TICAM2: variants seen among roughly 807,000 people sequenced by gnomAD.
The protein encoded by TICAM2 is TIR domain-containing adapter molecule 2.
TICAM2 carries 8 observed loss-of-function variants against 7.3 expected under a neutral mutation model. The ratio of observed to expected loss-of-function variants is 1.10; its 90% CI spans 0.65 to 1.99. The LOEUF is 1.99. Among genes scored for constraint, TICAM2 ranks in the 30% most tolerant of loss-of-function variants. TICAM2 has a pLI of 0.00. For synonymous variants in TICAM2, 113 were observed against 99.6 expected, an observed-to-expected ratio of 1.13 and a Z score of -0.80; for missense variants, 304 against 278.8, an observed-to-expected ratio of 1.09 and a Z score of -0.65.
At chr5:115,593,406 A>G (rs1315344391) in intron 1 of TICAM2, among the ~76,000 whole-genome samples, 1 of 23,728 alleles carries the variant, frequency 4.2e-5, no homozygotes, top group African/African-American at 7.4e-4. Flanking sequence ...ATAAAATTAC[A>G]AAAAAAATGT....
chr5:115,599,000 G>A (rs898677153), intron 1 of TICAM2, among the ~76,000 whole-genome samples: 2 of 151,490 alleles, frequency 1.3e-5, no homozygotes, highest in African/African-American at 4.9e-5. Flanking sequence ...AGGTTGAGGT[G>A]GGAAAATTGC....
At chr5:115,591,288 C>T (rs1405810398) in intron 1 of TICAM2, among the ~76,000 whole-genome samples, 1 of 152,118 alleles carries the variant, frequency 6.6e-6, no homozygotes, top group Non-Finnish European at 1.5e-5. Context: ...GAAGGCTACA[C>T]CTAGGTGTAC....
rs1320282321 is a variant in TICAM2, at chr5:115,581,075, C to T, written c.182G>A (p.Gly61Glu). The T allele has an allele frequency of 9.3e-6, 15 of 1,614,166 alleles. No homozygotes were observed. The highest frequency in any genetic ancestry group is 1.3e-5 in the Non-Finnish European group (15 of 1,180,034). ...AAACATCTCTTCCACGCTCTGAGCT[C>T]CCTCCTGCTTTCCTGTTGGCCCCTC... is the stretch of plus-strand genomic sequence containing the variant. ...TTEGPTGKQE[G>E]AQSVEEMFEE... The change falls in exon 2 of 2, where the codon GGA becomes GAA. Residue 61 changes from glycine to glutamate, a missense_variant. By Grantham distance (98) the Gly-to-Glu change is moderately conservative (BLOSUM62 -2). Transcript: ENST00000427199.
intron 1 of TICAM2, among the ~76,000 whole-genome samples, chr5:115,589,370 G>T (rs766106027): frequency 1.3e-5 from 2 of 152,124 alleles, no homozygotes; most frequent in Non-Finnish European, 2.9e-5. Context: ...CTTAGACACT[G>T]GAAATATTAA....
intron 1 of TICAM2, among the ~76,000 whole-genome samples, chr5:115,587,976 C>A (rs983560997): frequency 6.6e-6 from 1 of 152,114 alleles, no homozygotes; most frequent in Non-Finnish European, 1.5e-5. Context: ...GCATGAAAAT[C>A]AGACACAGAA....
intron 1 of TICAM2, among the ~76,000 whole-genome samples, chr5:115,591,317 C>A (rs1005491329): frequency 2.4e-4 from 36 of 152,182 alleles, no homozygotes; most frequent in Admixed American, 1.8e-3. Context: ...TAAAAACAGA[C>A]TGATCCTCCC....
At chr5:115,585,247 C>T (rs533661386) in intron 1 of TICAM2, among the ~76,000 whole-genome samples, 43 of 152,282 alleles carry the variant, frequency 2.8e-4, no homozygotes, top group African/African-American at 1.0e-3. Context: ...GCTATTATTG[C>T]TATTAAATAC....
chr5:115,586,049 G>T (rs1029266987), intron 1 of TICAM2, among the ~76,000 whole-genome samples: 7 of 152,170 alleles, frequency 4.6e-5, no homozygotes, highest in Non-Finnish European at 8.8e-5. Context: ...GAGTGTAGGA[G>T]AAAGGTTCCA....
intron 1 of TICAM2, among the ~76,000 whole-genome samples, chr5:115,592,217 C>G (rs904873484): frequency 6.6e-6 from 1 of 151,946 alleles, no homozygotes; most frequent in South Asian, 2.1e-4. Flanking sequence ...TCTTGCAGAC[C>G]GTAAAATGTA....
In TICAM2 at chr5:115,580,688, T is replaced by C; in HGVS notation, c.569A>G (p.Gln190Arg). 1 of 1,593,272 alleles carries C rather than the reference T, an allele frequency of 6.3e-7. No individual in the cohort carries two copies. Among genetic ancestry groups the C allele is most frequent in the Non-Finnish European group, 8.5e-7 (1 of 1,172,574 alleles). Residue 190 changes from glutamine to arginine, a missense_variant, in exon 2 of 2, where the codon CAA becomes CGA. Coordinates refer to ENST00000427199, the MANE Select transcript of TICAM2 (RefSeq NM_021649.7). ...TTCTTCCTCTAAGGCATTGATGGTT[T>C]GGAGGGCAAAGGGAGTCCTTTCTCG... Reference protein sequence around the residue: ...LPRERTPFALQTINALEEESR... With the variant: ...LPRERTPFALRTINALEEESR...
rs552547616 is a variant in TICAM2, at chr5:115,593,669, G to T, written c.-60+8428C>A. On this transcript the variant is annotated intron_variant, in intron 1 of 1. Coordinates refer to ENST00000427199, the MANE Select transcript of TICAM2 (RefSeq NM_021649.7). ...AGACTTTTTTTGGTTGGGTTTTACCGGTTCAATTCCAGAATTTCTATGGAA... is the reference window on the plus strand; with the variant it reads ...AGACTTTTTTTGGTTGGGTTTTACCTGTTCAATTCCAGAATTTCTATGGAA... 3.3e-5 allele frequency among the ~76,000 whole-genome samples: 5 copies of T among 152,156 alleles called. No homozygotes were observed. In the East Asian group the frequency reaches 7.7e-4, roughly 23 times the overall value.
chr5:115,593,655 G>T (rs1283493176), intron 1 of TICAM2, among the ~76,000 whole-genome samples: 1 of 152,070 alleles, frequency 6.6e-6, no homozygotes, highest in East Asian at 1.9e-4. Context: ...GACTTTTTTT[G>T]GTTGGGTTTT....
intron 1 of TICAM2, 153 bp downstream of exon 1, chr5:115,601,944 A>G (rs1294653681): frequency 6.6e-6 from 1 of 152,150 alleles, no homozygotes; most frequent in African/African-American, 2.4e-5. Flanking sequence ...CCCGCTGGGG[A>G]CAACAGCGCC....
intron 1 of TICAM2, among the ~76,000 whole-genome samples, chr5:115,583,917 C>A (rs1755016372): frequency 6.6e-6 from 1 of 152,188 alleles, no homozygotes; most frequent in African/African-American, 2.4e-5. Context: ...TAGGTTTCAC[C>A]TCCTTGCTTC....
In TICAM2 at chr5:115,579,232, C is replaced by T. The variant is rs1231076549; in HGVS notation, c.*1317G>A. ...AGCCTTCTGCAACTATTACATATCA[C>T]TTTATCGAATCCAAACTTTTTTGCT... On this transcript the variant is annotated 3_prime_UTR_variant, in exon 2 of 2. Transcript: ENST00000427199. The T allele has an allele frequency of 6.6e-6, 1 of 152,616 alleles. No homozygotes were observed. Among genetic ancestry groups the T allele is most frequent in the Non-Finnish European group, 1.5e-5 (1 of 68,036 alleles). 9.5% of individuals were successfully genotyped at this position (152,616 alleles called of 1,614,324 possible). A position where few individuals can be genotyped will look rare whatever the true frequency, so the allele number is the denominator to read the frequency against.
chr5:115,596,988 A>C (rs1755536764), intron 1 of TICAM2, among the ~76,000 whole-genome samples: 1 of 152,210 alleles, frequency 6.6e-6, no homozygotes, highest in African/African-American at 2.4e-5. Flanking sequence ...TATAAAAAGT[A>C]CTTCTGCAAG....
In TICAM2 at chr5:115,578,739, T is replaced by C. The variant is rs1348902881; in HGVS notation, c.*1810A>G. ...TGAAGAGTGGGCAGTTCATGTTTTATTAGTATATAAAATTGGCTTTACAGG... is the reference window on the plus strand; with the variant it reads ...TGAAGAGTGGGCAGTTCATGTTTTACTAGTATATAAAATTGGCTTTACAGG... On this transcript the variant is annotated 3_prime_UTR_variant, in exon 2 of 2. Transcript: ENST00000427199. 1.3e-5 allele frequency: 2 copies of C among 151,978 alleles called. No individual in the cohort carries two copies. The highest frequency in any genetic ancestry group is 2.9e-5 in the Non-Finnish European group (2 of 68,000). The allele number at this position is 151,978 out of a possible 1,614,324, so 9.4% of individuals were successfully genotyped here.
intron 1 of TICAM2, among the ~76,000 whole-genome samples, chr5:115,586,513 G>C (rs1343328959): frequency 1.3e-5 from 2 of 151,820 alleles, no homozygotes; most frequent in Admixed American, 1.3e-4. Flanking sequence ...AACCAGAAGA[G>C]AGTGGTACCC....
At position 115,602,113 on chromosome 5, in the gene TICAM2, CCA is replaced by C. The variant is rs1243230325; in HGVS notation, c.-78_-77del. ...GGTACTTGCCTGCAGGCGAGCGCCACCACAGTCAGCCCGCGGCTTTTCTGTCT... is the reference window on the plus strand; with the variant it reads ...GGTACTTGCCTGCAGGCGAGCGCCACCAGTCAGCCCGCGGCTTTTCTGTCT... On this transcript the variant is annotated 5_prime_UTR_variant, in exon 1 of 2. Coordinates refer to ENST00000427199, the MANE Select transcript of TICAM2 (RefSeq NM_021649.7). 3.3e-5 allele frequency: 5 copies of C among 152,238 alleles called. No individual in the cohort carries two copies. Among genetic ancestry groups the C allele is most frequent in the Admixed American group, 1.3e-4 (2 of 15,272 alleles). 9.4% of individuals were successfully genotyped at this position (152,238 alleles called of 1,614,324 possible).
Sources: gnomAD v4.1 joint callset for allele counts (sites outside exome capture counted in the v4.1 genomes callset) on GRCh38, gnomAD v4.1.1 for gene constraint, MANE v1.5 for transcripts, NCBI Gene and HGNC (gene_info 2026-07-23, HGNC 2026-07-21) for gene names.